The following TAF1A variants were observed in gnomAD, a reference collection of about 807,000 sequenced individuals.
TAF1A encodes the protein TATA-box binding protein associated factor, RNA polymerase I subunit A, also known as TATA box-binding protein-associated factor RNA polymerase I subunit A.
Under a neutral mutation model 61.6 loss-of-function variants are expected in TAF1A, and 42 were observed. The ratio of observed to expected loss-of-function variants is 0.68; its 90% CI spans 0.53 to 0.88. TAF1A has a LOEUF of 0.88. Among genes scored for constraint, TAF1A ranks in the 40% least tolerant of loss-of-function variants. The probability of loss-of-function intolerance (pLI) is 0.00; values close to 1 mark genes in which losing one functional copy is unlikely to be tolerated. For missense variants in TAF1A, 424 were observed against 518.7 expected (o/e 0.82, Z 1.77); for synonymous variants, 179 against 177.7 (o/e 1.01, Z -0.06).
chr1:222,557,198 AAC>A (rs1659740195), downstream of TAF1A, among the ~76,000 whole-genome samples: 1 of 152,168 alleles, frequency 6.6e-6, no homozygotes, highest in Admixed American at 6.5e-5. Flanking sequence ...GTCTTCATGG[AAC>A]TCAATTACTA....
At chr1:222,569,391 G>C (rs1346990583) in intron 7 of TAF1A, 119 bp downstream of exon 7, 1 of 1,588,724 alleles carries the variant, frequency 6.3e-7, no homozygotes, top group South Asian at 1.1e-5. Flanking sequence ...GTTTATCTCA[G>C]TGTACTGTAC....
intron 5 of TAF1A, among the ~76,000 whole-genome samples, chr1:222,573,957 T>G (rs532208374): frequency 5.5e-5 from 8 of 146,006 alleles, no homozygotes; most frequent in South Asian, 2.3e-4. Context: ...ATTAAAAACA[T>G]TATGCTTTCT....
At chr1:222,575,504 G>A (rs1660533055) in intron 5 of TAF1A, among the ~76,000 whole-genome samples, 1 of 152,112 alleles carries the variant, frequency 6.6e-6, no homozygotes, top group African/African-American at 2.4e-5. Context: ...ACTCCAGACT[G>A]AGACAGCAAG....
At chr1:222,581,067 G>C (rs1660771093) in intron 3 of TAF1A, among the ~76,000 whole-genome samples, 1 of 152,134 alleles carries the variant, frequency 6.6e-6, no homozygotes, top group African/African-American at 2.4e-5. Flanking sequence ...CTGCACTCCA[G>C]CCTGGGTGAC....
chr1:222,557,620 T>A (rs1659751236), downstream of TAF1A, among the ~76,000 whole-genome samples: 1 of 151,846 alleles, frequency 6.6e-6, no homozygotes, highest in African/African-American at 2.4e-5. Context: ...CCGGCTAATT[T>A]TTTTTTTGGT....
At chr1:222,563,120 ATTGGGAAATATTAT>A in intron 9 of TAF1A, 39 bp downstream of exon 9, 1 of 1,470,454 alleles carries the variant, frequency 6.8e-7, no homozygotes, top group South Asian at 1.2e-5. Flanking sequence ...TAGCTAAAAT[ATTGGGAAATATTAT>A]TTATGATGAC....
At chr1:222,555,676 G>A (rs541135478), downstream of TAF1A, among the ~76,000 whole-genome samples, 4 of 152,272 alleles carry the variant, frequency 2.6e-5, no homozygotes, top group African/African-American at 7.2e-5. Flanking sequence ...TTACATACTT[G>A]TAATTTGTTA....
rs776469258 is a variant in TAF1A at position 222,588,581 on chromosome 1, A to C, written c.-2-16T>G. 1 of 1,611,332 alleles carries C rather than the reference A, an allele frequency of 6.2e-7. No individual in the cohort carries two copies. Among genetic ancestry groups the C allele is most frequent in the East Asian group, 2.2e-5 (1 of 44,820 alleles). On this transcript the variant is annotated splice_polypyrimidine_tract_variant and intron_variant, in intron 1 of 10. Transcript: ENST00000352967. Reference sequence around the variant, plus strand: ...TCACTCATACCTATTACAAGATGAGATATCAGTTACTTTCTGTACATCTTA... The same window carrying C: ...TCACTCATACCTATTACAAGATGAGCTATCAGTTACTTTCTGTACATCTTA...
intron 4 of TAF1A, among the ~76,000 whole-genome samples, chr1:222,578,847 A>G (rs1290977055): frequency 6.6e-6 from 1 of 152,162 alleles, no homozygotes; most frequent in Non-Finnish European, 1.5e-5. Flanking sequence ...AAAATTATTA[A>G]CAACAAAAAA....
At chr1:222,577,848 T>C (rs1055218950) in intron 4 of TAF1A, among the ~76,000 whole-genome samples, 2 of 152,158 alleles carry the variant, frequency 1.3e-5, no homozygotes, top group Non-Finnish European at 2.9e-5. Context: ...AGCTAAATTA[T>C]GTAAACTTAC....
At chr1:222,580,889 A>G (rs1376772648) in intron 3 of TAF1A, among the ~76,000 whole-genome samples, 1 of 152,174 alleles carries the variant, frequency 6.6e-6, no homozygotes, top group Non-Finnish European at 1.5e-5. Context: ...GCGGTGGCTC[A>G]CACCTGTAAT....
At chr1:222,569,749 G>T in intron 6 of TAF1A, 81 bp from the exon 7 acceptor site, 1 of 1,290,752 alleles carries the variant, frequency 7.7e-7, no homozygotes, top group Non-Finnish European at 1.0e-6. Flanking sequence ...TAAGTTTACT[G>T]ATGGGTATTT....
chr1:222,555,459 A>G (rs1279423977), downstream of TAF1A, among the ~76,000 whole-genome samples: 1 of 152,246 alleles, frequency 6.6e-6, no homozygotes, highest in African/African-American at 2.4e-5. Context: ...TAGGCAAGAC[A>G]CAGAAAGAGA....
Position 222,569,655 on chromosome 1 carries a change from T to C in TAF1A, c.749A>G (p.Tyr250Cys), listed in dbSNP as rs772681383. 2.2e-5 allele frequency: 35 copies of C among 1,611,728 alleles called. No homozygotes were observed. Among genetic ancestry groups the C allele is most frequent in the East Asian group, 4.5e-5 (2 of 44,862 alleles). Reference protein sequence around the residue: ...VKSYVEMLEFYGDRDGAQEVL... With the variant: ...VKSYVEMLEFCGDRDGAQEVL... ...CTCTTGGGCTCCATCTCGATCCCCATAGAATTCCAGCATCTATATAAAATA... is the reference window on the plus strand; with the variant it reads ...CTCTTGGGCTCCATCTCGATCCCCACAGAATTCCAGCATCTATATAAAATA... The change falls in exon 7 of 11, where the codon TAT becomes TGT. Residue 250 changes from tyrosine (Y) to cysteine (C), a missense_variant. Physicochemically the swap from Tyr to Cys is radical, Grantham distance 194 (BLOSUM62 -2). Transcript: ENST00000352967.
At chr1:222,561,234 T>G in intron 10 of TAF1A, 130 bp downstream of exon 10, 1 of 823,412 alleles carries the variant, frequency 1.2e-6, no homozygotes, top group South Asian at 2.3e-5. Context: ...ACTCTTCCAT[T>G]GAGCAGTTAT....
At chr1:222,578,381 T>C (rs962170142) in intron 4 of TAF1A, among the ~76,000 whole-genome samples, 1 of 152,228 alleles carries the variant, frequency 6.6e-6, no homozygotes, top group African/African-American at 2.4e-5. Context: ...AGAAATTTCA[T>C]CTTGTTAGTC....
chr1:222,556,303 AG>A (rs1314363919), downstream of TAF1A, among the ~76,000 whole-genome samples: 3 of 152,196 alleles, frequency 2.0e-5, no homozygotes, highest in Non-Finnish European at 2.9e-5. Flanking sequence ...GCTGGCAGGC[AG>A]AAATGAGCAG....
intron 3 of TAF1A, among the ~76,000 whole-genome samples, chr1:222,580,985 T>C (rs528417081): frequency 7.2e-5 from 11 of 152,052 alleles, no homozygotes; most frequent in Non-Finnish European, 1.6e-4. Flanking sequence ...ACCCCGTCTC[T>C]ACTAAAAATA....
chr1:222,564,015 T>C (rs1328260999), intron 8 of TAF1A, 44 bp downstream of exon 8: 1 of 1,242,340 alleles, frequency 8.0e-7, no homozygotes, highest in Admixed American at 1.8e-5. Context: ...GTCCCTAGTC[T>C]ATAGCTTGTC....
Sources: allele counts gnomAD v4.1 joint callset (sites outside exome capture counted in the v4.1 genomes callset), GRCh38; gene constraint gnomAD v4.1.1; transcripts MANE v1.5; gene names NCBI Gene and HGNC (gene_info 2026-07-23, HGNC 2026-07-21).